Variants in THSD4 observed in about 807,000 individuals in gnomAD.
THSD4 encodes the protein thrombospondin type 1 domain containing 4.
In THSD4, 69 loss-of-function variants were observed where a neutral mutation model predicts 119.0. The ratio of observed to expected loss-of-function variants is 0.58; its 90% CI spans 0.48 to 0.71. The LOEUF (loss-of-function observed/expected upper bound fraction) is 0.71, where lower values mean the gene tolerates loss of function less well. Ranked by LOEUF, THSD4 falls within the 30% of genes least tolerant of loss-of-function variation. The pLI, the probability that THSD4 is intolerant of heterozygous loss-of-function variation, is 0.00. For synonymous variants in THSD4, 524 were observed against 540.4 expected, an observed-to-expected ratio of 0.97 and a Z score of 0.42; for missense variants, 1,393 against 1,391.1, an observed-to-expected ratio of 1.00 and a Z score of -0.02.
intron 6 of THSD4, among the ~76,000 whole-genome samples, chr15:71,354,873 T>C (rs539460279): frequency 1.8e-4 from 27 of 152,200 alleles, no homozygotes; most frequent in Non-Finnish European, 3.4e-4. Flanking sequence ...CTGGTTATGC[T>C]TAGAACATTT....
chr15:71,529,413 CA>C (rs1332009098), intron 7 of THSD4, among the ~76,000 whole-genome samples: 2 of 152,170 alleles, frequency 1.3e-5, no homozygotes, highest in Admixed American at 6.5e-5. Flanking sequence ...TGTGGGAAAA[CA>C]AATGTCATAA....
chr15:71,446,346 G>A (rs529612540), intron 7 of THSD4, among the ~76,000 whole-genome samples: 23 of 152,200 alleles, frequency 1.5e-4, no homozygotes, highest in Admixed American at 2.6e-4. Flanking sequence ...TGCCAGTGTC[G>A]TCTTGTAAAA....
At chr15:71,575,411 T>C (rs1396297957) in intron 7 of THSD4, among the ~76,000 whole-genome samples, 1 of 152,238 alleles carries the variant, frequency 6.6e-6, no homozygotes, top group Non-Finnish European at 1.5e-5. Context: ...AACTAGAAGG[T>C]AGCTTTGAAT....
At chr15:71,676,374 C>T (rs999929289) in intron 8 of THSD4, among the ~76,000 whole-genome samples, 4 of 152,036 alleles carry the variant, frequency 2.6e-5, no homozygotes, top group East Asian at 1.9e-4. Flanking sequence ...CTCTGCCTCC[C>T]GGGTTCAAGC....
intron 7 of THSD4, among the ~76,000 whole-genome samples, chr15:71,493,849 G>A (rs573111239): frequency 6.6e-6 from 1 of 152,340 alleles, no homozygotes; most frequent in Non-Finnish European, 1.5e-5. Context: ...CATAGCTGGG[G>A]CAAGAAGGGC....
intron 7 of THSD4, among the ~76,000 whole-genome samples, chr15:71,599,686 G>T (rs1321297846): frequency 6.6e-6 from 1 of 152,244 alleles, no homozygotes; most frequent in African/African-American, 2.4e-5. Flanking sequence ...CTGATGAGGA[G>T]CATTTTATAA....
At chr15:71,389,093 T>G (rs1274853015) in intron 6 of THSD4, among the ~76,000 whole-genome samples, 4 of 152,110 alleles carry the variant, frequency 2.6e-5, no homozygotes, top group African/African-American at 9.7e-5. Flanking sequence ...TGGAACTGAG[T>G]CCATTAAACC....
chr15:71,197,805 C>T (rs757737149), intron 3 of THSD4, among the ~76,000 whole-genome samples: 1 of 152,116 alleles, frequency 6.6e-6, no homozygotes, highest in Non-Finnish European at 1.5e-5. Context: ...CCTGTCTGCC[C>T]CCTGAATATC....
intron 7 of THSD4, among the ~76,000 whole-genome samples, chr15:71,548,109 T>TTC (rs1236151872): frequency 5.9e-5 from 9 of 151,910 alleles, no homozygotes; most frequent in Non-Finnish European, 1.3e-4. Context: ...TTTTTTTTTT[T>TTC]TTTAACATCA....
At chr15:71,300,175 T>C (rs990846313) in intron 6 of THSD4, among the ~76,000 whole-genome samples, 5 of 151,418 alleles carry the variant, frequency 3.3e-5, no homozygotes, top group African/African-American at 4.8e-5. Flanking sequence ...AATTTAAATA[T>C]AAAATTAGTT....
At position 71,242,791 on chromosome 15, in the gene THSD4, G is replaced by C. The variant is rs1454260359; in HGVS notation, c.607G>C (p.Gly203Arg). 1 of 1,614,156 alleles carries C rather than the reference G, an allele frequency of 6.2e-7. No individual in the cohort carries two copies. The highest frequency in any genetic ancestry group is 2.2e-5 in the East Asian group (1 of 44,888). The change falls in exon 5 of 18, where the codon GGA becomes CGA. Residue 203 changes from glycine (G) to arginine (R), a missense_variant. Transcript: ENST00000261862. Reference sequence around the variant, plus strand: ...CTCATCCCGCCATTCCAGGTCCCAGGGAGCATCTTCTGCTAGGCATGGCTA... The same window carrying C: ...CTCATCCCGCCATTCCAGGTCCCAGCGAGCATCTTCTGCTAGGCATGGCTA... ...KLSSRHSRSQ[G>R]ASSARHGYSS... is the part of the protein sequence containing the mutation.
intron 7 of THSD4, among the ~76,000 whole-genome samples, chr15:71,473,269 C>A (rs1279828744): frequency 6.6e-6 from 1 of 152,036 alleles, no homozygotes; most frequent in Non-Finnish European, 1.5e-5. Context: ...TGTTGCCCAG[C>A]CTGGTCTCCA....
chr15:71,442,660 G>GTGTGTGTATGTATGTGTA, intron 7 of THSD4, among the ~76,000 whole-genome samples: 4 of 25,826 alleles, frequency 1.5e-4, no homozygotes, highest in East Asian at 1.6e-3. Flanking sequence ...GTGTGTGTGT[G>GTGTGTGTATGTATGTGTA]TATATATATA....
intron 6 of THSD4, among the ~76,000 whole-genome samples, chr15:71,265,391 G>C (rs1429074338): frequency 6.6e-6 from 1 of 152,136 alleles, no homozygotes; most frequent in Non-Finnish European, 1.5e-5. Flanking sequence ...AGCCGTGAGA[G>C]ACTGTGCCTT....
chr15:71,438,561 A>G (rs1453457094), intron 7 of THSD4, among the ~76,000 whole-genome samples: 2 of 152,110 alleles, frequency 1.3e-5, no homozygotes, highest in Non-Finnish European at 2.9e-5. Context: ...GTTCAATTTT[A>G]CTTTTTTTCA....
intron 3 of THSD4, among the ~76,000 whole-genome samples, chr15:71,171,839 A>G (rs1381947035): frequency 6.6e-6 from 1 of 152,244 alleles, no homozygotes; most frequent in Non-Finnish European, 1.5e-5. Context: ...GTATAAAGAC[A>G]TGCCATGTTC....
intron 7 of THSD4, among the ~76,000 whole-genome samples, chr15:71,591,553 G>T (rs969524119): frequency 6.6e-6 from 1 of 152,178 alleles, no homozygotes; most frequent in Non-Finnish European, 1.5e-5. Context: ...CATGCTCCAT[G>T]TGTGGCAGAT....
chr15:71,681,778 C>A (rs2051786103), intron 8 of THSD4, among the ~76,000 whole-genome samples: 1 of 151,982 alleles, frequency 6.6e-6, no homozygotes, highest in African/African-American at 2.4e-5. Context: ...AATATGGTGT[C>A]CCCTAACTCA....
intron 8 of THSD4, among the ~76,000 whole-genome samples, chr15:71,726,436 T>A (rs1389504556): frequency 6.6e-6 from 1 of 152,210 alleles, no homozygotes; most frequent in Non-Finnish European, 1.5e-5. Context: ...GATACATATT[T>A]GCAATGTGAC....
Sources: gnomAD v4.1 joint callset for allele counts (sites outside exome capture counted in the v4.1 genomes callset) on GRCh38, gnomAD v4.1.1 for gene constraint, MANE v1.5 for transcripts, NCBI Gene and HGNC (gene_info 2026-07-23, HGNC 2026-07-21) for gene names.